Variants in NSUN6 observed in about 807,000 individuals in gnomAD.
The protein encoded by NSUN6 is NOP2/Sun RNA methyltransferase 6, also known as tRNA (cytosine(72)-C(5))-methyltransferase NSUN6.
A neutral mutation model predicts 58.0 loss-of-function variants in NSUN6; 64 were observed. The ratio of observed to expected loss-of-function variants is 1.10; its 90% confidence interval spans 0.90 to 1.36. NSUN6 has a LOEUF of 1.36. Among genes scored for constraint, NSUN6 ranks in the 40% most tolerant of loss-of-function variants. The pLI, the probability that NSUN6 is intolerant of heterozygous loss-of-function variation, is 0.00. For synonymous variants in NSUN6, 231 were observed against 193.9 expected (o/e 1.19, Z -1.59); for missense variants, 701 against 550.1 (o/e 1.27, Z -2.74).
intron 7 of NSUN6, among the ~76,000 whole-genome samples, chr10:18,593,758 G>T (rs2057468498): frequency 6.6e-6 from 1 of 151,826 alleles, no homozygotes; most frequent in Non-Finnish European, 1.5e-5. Flanking sequence ...CCTAATGCAT[G>T]TGGGGCTTAA....
At chr10:18,572,295 T>C (rs1037120868) in intron 8 of NSUN6, among the ~76,000 whole-genome samples, 1 of 151,428 alleles carries the variant, frequency 6.6e-6, no homozygotes, top group Non-Finnish European at 1.5e-5. Context: ...CTCCATTTCA[T>C]TCCACTCTCC....
chr10:18,591,803 G>C (rs2057387838), intron 7 of NSUN6, among the ~76,000 whole-genome samples: 1 of 152,028 alleles, frequency 6.6e-6, no homozygotes, highest in Non-Finnish European at 1.5e-5. Flanking sequence ...TTTGAAAACT[G>C]GCATGAGACA....
chr10:18,555,220 G>A (rs1210650730), intron 8 of NSUN6, among the ~76,000 whole-genome samples: 1 of 149,182 alleles, frequency 6.7e-6, no homozygotes, highest in African/African-American at 2.5e-5. Context: ...ATGGAATGGA[G>A]GATGAAATGG....
intron 2 of NSUN6, among the ~76,000 whole-genome samples, chr10:18,644,071 C>A (rs774006621): frequency 6.6e-6 from 1 of 152,122 alleles, no homozygotes; most frequent in Non-Finnish European, 1.5e-5. Flanking sequence ...ACGTACAATT[C>A]AATGATTTTT....
In NSUN6 at chr10:18,648,575, G is replaced by C. The variant is rs769301593; in HGVS notation, c.146C>G (p.Pro49Arg). The C allele has an allele frequency of 1.4e-5, 23 of 1,602,796 alleles. No homozygotes were observed. The highest frequency in any genetic ancestry group is 1.8e-5 in the Non-Finnish European group (21 of 1,169,976). The change falls in exon 2 of 11, where the codon CCT (proline) becomes CGT (arginine). Residue 49 changes from proline (P) to arginine (R), a missense_variant. Coordinates refer to ENST00000377304, the MANE Select transcript of NSUN6 (RefSeq NM_182543.5). ...CACTCTGACAGTTGTAAATGATGGA[G>C]GATGTGACAGGTGCTTTAACAAAGT... ...FETLLKHLSH[P>R]PSFTTVRVNT... is the part of the protein sequence containing the mutation.
At chr10:18,631,784 G>A (rs1189701071) in intron 3 of NSUN6, among the ~76,000 whole-genome samples, 1 of 151,788 alleles carries the variant, frequency 6.6e-6, no homozygotes, top group Non-Finnish European at 1.5e-5. Flanking sequence ...AACATTCCAT[G>A]CTCATGGGTA....
intron 6 of NSUN6, among the ~76,000 whole-genome samples, chr10:18,599,706 CCAGG>C (rs1440946306): frequency 1.3e-5 from 2 of 152,160 alleles, no homozygotes; most frequent in African/African-American, 4.8e-5. Context: ...GGTGGTAGGG[CCAGG>C]CAGGAGTATT....
intron 9 of NSUN6, among the ~76,000 whole-genome samples, chr10:18,548,936 A>C (rs1468322876): frequency 6.6e-6 from 1 of 152,168 alleles, no homozygotes; most frequent in East Asian, 1.9e-4. Flanking sequence ...CATTCTAGCC[A>C]GAATTTGGCC....
chr10:18,651,667 C>T (rs1323993436), upstream of NSUN6: 10 of 985,882 alleles, frequency 1.0e-5, no homozygotes, highest in Non-Finnish European at 1.2e-5. Flanking sequence ...GCGGCCCACC[C>T]CTCCCTTTCC....
chr10:18,567,629 TATTCCATTCTCCATTCC>T (rs1205882764), intron 8 of NSUN6, among the ~76,000 whole-genome samples: 2 of 149,190 alleles, frequency 1.3e-5, no homozygotes, highest in Non-Finnish European at 3.0e-5. Context: ...TTCCATTCTC[TATTCCATTCTCCATTCC>T]ATTCCATTCC....
intron 7 of NSUN6, 131 bp downstream of exon 7, chr10:18,596,075 GAC>G: frequency 1.5e-6 from 1 of 688,262 alleles, no homozygotes; most frequent in South Asian, 1.9e-5. Flanking sequence ...TGTAGTGACT[GAC>G]ATAACTGAAT....
chr10:18,618,736 C>T (rs1027602666), intron 3 of NSUN6, among the ~76,000 whole-genome samples: 1 of 147,910 alleles, frequency 6.8e-6, no homozygotes, highest in Non-Finnish European at 1.5e-5. Context: ...CTCAATTTCA[C>T]TTTCATATTT....
intron 2 of NSUN6, among the ~76,000 whole-genome samples, chr10:18,643,715 T>C (rs557271876): frequency 1.3e-5 from 2 of 152,312 alleles, no homozygotes; most frequent in African/African-American, 2.4e-5. Context: ...ATCATTTTGA[T>C]AGCCTTACAG....
chr10:18,565,897 C>T (rs2055893458), intron 8 of NSUN6, among the ~76,000 whole-genome samples: 1 of 150,966 alleles, frequency 6.6e-6, no homozygotes, highest in South Asian at 2.1e-4. Context: ...ATTCTCCATT[C>T]CATTCCGTTC....
intron 8 of NSUN6, among the ~76,000 whole-genome samples, chr10:18,572,870 C>T (rs747143330): frequency 6.6e-6 from 1 of 150,948 alleles, no homozygotes; most frequent in Non-Finnish European, 1.5e-5. Flanking sequence ...TCATTCCATT[C>T]CTTTCTCCAT....
At chr10:18,641,055 C>G (rs1010549989) in intron 3 of NSUN6, among the ~76,000 whole-genome samples, 1 of 151,870 alleles carries the variant, frequency 6.6e-6, no homozygotes, top group African/African-American at 2.4e-5. Context: ...AGTAATTATC[C>G]CAAGTATAGC....
chr10:18,553,395 T>A (rs892161893), intron 8 of NSUN6, among the ~76,000 whole-genome samples: 2 of 148,574 alleles, frequency 1.3e-5, no homozygotes, highest in Non-Finnish European at 3.0e-5. Context: ...GAGAATGGAA[T>A]GGAATGCAGA....
At position 18,651,143 on chromosome 10, in the gene NSUN6, A is replaced by G. The variant is rs1488944125; in HGVS notation, c.61T>C (p.Phe21Leu). The G allele has an allele frequency of 1.9e-6, 3 of 1,576,372 alleles. No individual in the cohort carries two copies. The African/African-American group carries it at 4.2e-5, about 22-fold the overall frequency. Residue 21 changes from phenylalanine to leucine, a missense_variant, in exon 1 of 11, where the codon TTT (phenylalanine) becomes CTT (leucine). By Grantham distance (22) the Phe-to-Leu change is conservative. Coordinates refer to ENST00000377304, the MANE Select transcript of NSUN6 (RefSeq NM_182543.5). ...PEVENYLKEG[F>L]MNKEIVTALG... The stretch of plus-strand genomic sequence containing the variant: ...ACTTGACCTACCTCCTTATTCATAA[A>G]GCCTTCCTTAAGATAGTTTTCAACC...
chr10:18,622,964 T>C (rs2058664883), intron 3 of NSUN6, among the ~76,000 whole-genome samples: 1 of 152,212 alleles, frequency 6.6e-6, no homozygotes, highest in Non-Finnish European at 1.5e-5. Flanking sequence ...ATGTAGCCTT[T>C]AGAAAACGCT....
Sources: allele counts gnomAD v4.1 joint callset (sites outside exome capture counted in the v4.1 genomes callset), GRCh38; gene constraint gnomAD v4.1.1; transcripts MANE v1.5; gene names NCBI Gene and HGNC (gene_info 2026-07-23, HGNC 2026-07-21).